Variants in RBM27 observed in about 807,000 individuals in gnomAD.
RBM27 encodes RNA-binding protein 27.
In RBM27, 22 loss-of-function variants were observed where a neutral mutation model predicts 135.3. The ratio of observed to expected loss-of-function variants is 0.16; its 90% CI spans 0.12 to 0.23. RBM27 has a LOEUF of 0.23. Among genes scored for constraint, RBM27 ranks in the 10% least tolerant of loss-of-function variants. The pLI is 1.00. For synonymous variants in RBM27, 481 were observed against 442.4 expected, an observed-to-expected ratio of 1.09 and a Z score of -1.10; for missense variants, 1,009 against 1,281.0, an observed-to-expected ratio of 0.79 and a Z score of 3.24.
At position 146,230,873 on chromosome 5, in the gene RBM27, T is replaced by C. The variant is rs747882717; in HGVS notation, c.806T>C (p.Phe269Ser). The C allele has an allele frequency of 4.3e-6, 7 of 1,614,204 alleles. No individual in the cohort carries two copies. Among genetic ancestry groups the C allele is most frequent in the Non-Finnish European group, 5.9e-6 (7 of 1,180,044 alleles). Reference sequence around the variant, plus strand: ...AACAATCATAGCTCTTCCAATTCTTTTGGTCGAAACCTACCACCAAAGAGG... The same window carrying C: ...AACAATCATAGCTCTTCCAATTCTTCTGGTCGAAACCTACCACCAAAGAGG... The part of the protein sequence containing the change: ...YYNNHSSSNS[F>S]GRNLPPKRRC... Residue 269 changes from phenylalanine to serine, a missense_variant, in exon 6 of 21, where the codon TTT becomes TCT. By Grantham distance (155) the Phe-to-Ser change is radical. Transcript: ENST00000265271.
At chr5:146,217,464 GTTTTT>G (rs545963169) in intron 1 of RBM27, among the ~76,000 whole-genome samples, 1 of 70,768 alleles carries the variant, frequency 1.4e-5, no homozygotes. Flanking sequence ...GCTGAAGCCT[GTTTTT>G]TTTTTTTTTT....
At chr5:146,257,506 C>T (rs2963926) in intron 10 of RBM27, among the ~76,000 whole-genome samples, 93,086 of 152,074 alleles carry the variant, frequency 0.61, 29,201 homozygotes, top group South Asian at 0.79. Flanking sequence ...GGCATGAATG[C>T]TCTCTTGTAT....
At chr5:146,240,989 A>C (rs1757383284) in intron 8 of RBM27, among the ~76,000 whole-genome samples, 2 of 152,148 alleles carry the variant, frequency 1.3e-5, no homozygotes, top group South Asian at 4.1e-4. Context: ...TTATCAATTT[A>C]TAGCGGAGCC....
intron 19 of RBM27, among the ~76,000 whole-genome samples, chr5:146,280,587 C>T (rs973147296): frequency 6.6e-6 from 1 of 152,192 alleles, no homozygotes; most frequent in Non-Finnish European, 1.5e-5. Flanking sequence ...GTTAGCCTCA[C>T]TTTATGATAG....
chr5:146,253,650 T>G (rs1757992020), intron 9 of RBM27, among the ~76,000 whole-genome samples: 1 of 152,190 alleles, frequency 6.6e-6, no homozygotes, highest in Admixed American at 6.5e-5. Flanking sequence ...TCACCTGTGC[T>G]TTAATGGCAT....
At chr5:146,209,001 G>A (rs1755824847) in intron 1 of RBM27, among the ~76,000 whole-genome samples, 1 of 152,064 alleles carries the variant, frequency 6.6e-6, no homozygotes, top group African/African-American at 2.4e-5. Flanking sequence ...GTGTGAATCG[G>A]CATTTAATTT....
Position 146,265,999 on chromosome 5 carries a change from A to G in RBM27, c.2332-1650A>G, listed in dbSNP as rs186331772. 2.0e-5 allele frequency among the ~76,000 whole-genome samples: 3 copies of G among 152,368 alleles called. No individual in the cohort carries two copies. The East Asian group carries it at 5.8e-4, about 29-fold the overall frequency. On this transcript the variant is annotated intron_variant, in intron 14 of 20. Transcript: ENST00000265271. ...TTCTATTCACTGAAAAGGTCTAGAA[A>G]TAATGACCAGCCCAGTCATTGAGCA...
In RBM27 at chr5:146,228,969, A is replaced by G. The variant is rs1364164967; in HGVS notation, c.327A>G (p.Glu109=). The G allele has an allele frequency of 1.2e-6, 2 of 1,613,374 alleles. No homozygotes were observed. The highest frequency in any genetic ancestry group is 1.1e-5 in the South Asian group (1 of 91,076). Residue 109 remains glutamate, a synonymous_variant, in exon 4 of 21, where the codon GAA becomes GAG. Coordinates refer to ENST00000265271, the MANE Select transcript of RBM27 (RefSeq NM_018989.2). ...KEEVFQEPAE[E]ERDGRKKKYP... ...AGGTATTTCAGGAGCCAGCAGAGGA[A>G]GAACGAGATGGCAGAAAAAAGAAAT...
Position 146,251,881 on chromosome 5 carries a change from C to G in RBM27, c.1444+6C>G. 4 of 1,612,874 alleles carry G rather than the reference C, an allele frequency of 2.5e-6. No individual in the cohort carries two copies. Among genetic ancestry groups the G allele is most frequent in the Non-Finnish European group, 3.4e-6 (4 of 1,178,982 alleles). ...CCCTACCCCTCTGGTTCCAGGTAAG[C>G]TTTGCTACAGATGGCCATCCACCTC... On this transcript the variant is annotated splice_donor_region_variant and intron_variant, in intron 9 of 20. Coordinates refer to ENST00000265271, the MANE Select transcript of RBM27 (RefSeq NM_018989.2).
chr5:146,265,711 C>T (rs1758585430), intron 14 of RBM27, among the ~76,000 whole-genome samples: 1 of 152,166 alleles, frequency 6.6e-6, no homozygotes, highest in Admixed American at 6.5e-5. Context: ...TTAAAGAAAG[C>T]TCTTTCTAAT....
At chr5:146,207,881 C>T (rs1755762461) in intron 1 of RBM27, among the ~76,000 whole-genome samples, 1 of 148,732 alleles carries the variant, frequency 6.7e-6, no homozygotes, top group Non-Finnish European at 1.5e-5. Flanking sequence ...TCTTGAACTC[C>T]TGACCTCAGG....
In RBM27 at chr5:146,254,976, C is replaced by T. The variant is rs1232237137; in HGVS notation, c.1478C>T (p.Ala493Val). The T allele has an allele frequency of 3.8e-6, 6 of 1,596,576 alleles. No homozygotes were observed. Among genetic ancestry groups the T allele is most frequent in the Non-Finnish European group, 5.1e-6 (6 of 1,165,900 alleles). The part of the protein sequence containing the change: ...TYEPDGYNPE[A>V]PSITSSGRSQ... ...GAACCAGATGGTTACAACCCAGAAG[C>T]TCCTAGTATTACTAGTTCTGGTAGA... Residue 493 changes from alanine to valine, a missense_variant, in exon 10 of 21, where the codon GCT becomes GTT. Coordinates refer to ENST00000265271, the MANE Select transcript of RBM27 (RefSeq NM_018989.2).
intron 8 of RBM27, among the ~76,000 whole-genome samples, chr5:146,248,552 G>A (rs760761058): frequency 1.3e-5 from 2 of 152,092 alleles, no homozygotes; most frequent in Non-Finnish European, 2.9e-5. Context: ...TGCAACCTCT[G>A]CCTCCTGGGT....
At chr5:146,212,117 G>C (rs1581135350) in intron 1 of RBM27, among the ~76,000 whole-genome samples, 1 of 134,260 alleles carries the variant, frequency 7.4e-6, no homozygotes, top group African/African-American at 2.8e-5. Flanking sequence ...GTGCAGTGGC[G>C]CAATCTCGAC....
At chr5:146,224,245 G>GTA (rs373235037) in intron 3 of RBM27, among the ~76,000 whole-genome samples, 100 of 151,206 alleles carry the variant, frequency 6.6e-4, no homozygotes, top group Admixed American at 2.2e-3. Flanking sequence ...ATGTATGTGT[G>GTA]TATATATATA....
chr5:146,205,178 G>C (rs1561517564), intron 1 of RBM27, among the ~76,000 whole-genome samples: 1 of 152,230 alleles, frequency 6.6e-6, no homozygotes, highest in Non-Finnish European at 1.5e-5. Flanking sequence ...GATTACAGGC[G>C]TGCGCCACTG....
At chr5:146,244,593 G>A (rs2126798453) in intron 8 of RBM27, among the ~76,000 whole-genome samples, 1 of 151,774 alleles carries the variant, frequency 6.6e-6, no homozygotes, top group South Asian at 2.1e-4. Context: ...CCAGACTGGA[G>A]TATGGTGGCA....
chr5:146,232,235 A>G (rs1042039932), intron 6 of RBM27, among the ~76,000 whole-genome samples: 3 of 152,184 alleles, frequency 2.0e-5, no homozygotes, highest in Non-Finnish European at 4.4e-5. Flanking sequence ...TACAGAATGC[A>G]TACGTTTTTA....
At chr5:146,253,838 C>T (rs555136089) in intron 9 of RBM27, among the ~76,000 whole-genome samples, 4 of 152,028 alleles carry the variant, frequency 2.6e-5, no homozygotes, top group South Asian at 2.1e-4. Context: ...GCTTATTGGC[C>T]GTTGACTCAA....
Sources: gnomAD v4.1 joint callset for allele counts (sites outside exome capture counted in the v4.1 genomes callset) on GRCh38, gnomAD v4.1.1 for gene constraint, MANE v1.5 for transcripts, NCBI Gene and HGNC (gene_info 2026-07-23, HGNC 2026-07-21) for gene names.